Variants in FST observed in about 807,000 individuals in gnomAD.
FST encodes the protein activin-binding protein.
Under a neutral mutation model 38.4 loss-of-function variants are expected in FST, and 6 were observed. The ratio of observed to expected loss-of-function variants is 0.16; its 90% CI spans 0.09 to 0.31. The LOEUF (loss-of-function observed/expected upper bound fraction) is 0.31, where lower values mean the gene tolerates loss of function less well. Ranked by LOEUF, FST falls within the 10% of genes least tolerant of loss-of-function variation. The pLI, the probability that FST is intolerant of heterozygous loss-of-function variation, is 1.00. For synonymous variants in FST, 157 were observed against 169.8 expected, an observed-to-expected ratio of 0.92 and a Z score of 0.59; for missense variants, 301 against 432.3, an observed-to-expected ratio of 0.70 and a Z score of 2.69.
In FST at chr5:53,483,181, T is replaced by TC. The variant is rs1457791315; in HGVS notation, c.277+114dup. 3 of 748,964 alleles carry TC rather than the reference T, an allele frequency of 4.0e-6. No individual in the cohort carries two copies. The African/African-American group carries it at 5.2e-5, about 13-fold the overall frequency. 46.4% of individuals were successfully genotyped at this position (748,964 alleles called of 1,614,324 possible). ...AGTAGGAGAGCTTTGTTCCTGGGCT[T>TC]CCCCTTCCTGTCCCTTGCCCTGGTA... On this transcript the variant is annotated intron_variant, in intron 2 of 5. Transcript: ENST00000256759. This position sits in a 1 kb window ranked among gnomAD's most constrained non-coding sequence, Gnocchi z 4.1.
Position 53,483,977 on chromosome 5 carries a change from C to T in FST, c.497-92C>T. On this transcript the variant is annotated intron_variant, in intron 3 of 5. Transcript: ENST00000256759. The surrounding 1 kb of genome is among the most constrained non-coding windows in gnomAD (Gnocchi z 4.1). ...CTAAGTGCCTTTTGAAAGCTGGATG[C>T]TTCAGTGTCATGATTTCCTTGGTAA... 1 of 1,092,270 alleles carries T rather than the reference C, an allele frequency of 9.2e-7. No individual in the cohort carries two copies. The highest frequency in any genetic ancestry group is 1.4e-6 in the Non-Finnish European group (1 of 732,100). 67.7% of individuals were successfully genotyped at this position (1,092,270 alleles called of 1,614,324 possible).
At chr5:53,481,462 C>CAAAAAAAAAAA (rs70983342) in intron 1 of FST, among the ~76,000 whole-genome samples, 497 of 48,040 alleles carry the variant, frequency 0.01, 69 homozygotes, top group Middle Eastern at 0.038. Flanking sequence ...CCCATTCTCG[C>CAAAAAAAAAAA]AAAAAAAAAA....
chr5:53,481,302 A>T (rs7709554), intron 1 of FST, among the ~76,000 whole-genome samples: 4 of 150,866 alleles, frequency 2.7e-5, no homozygotes, highest in African/African-American at 9.7e-5. Context: ...AGAAAAGAAA[A>T]CCTGGGGGTT....
chr5:53,480,961 G>T, intron 1 of FST, 85 bp downstream of exon 1: 1 of 587,692 alleles, frequency 1.7e-6, no homozygotes. Context: ...TCTGTTCTGA[G>T]CAACGCTGCT....
In FST at chr5:53,483,032, A is replaced by C. The variant is rs1318021275; in HGVS notation, c.238A>C (p.Ile80Leu). The C allele has an allele frequency of 6.2e-7, 1 of 1,613,954 alleles. No individual in the cohort carries two copies. The highest frequency in any genetic ancestry group is 8.5e-7 in the Non-Finnish European group (1 of 1,179,884). The change falls in exon 2 of 6, where the codon ATT (isoleucine) becomes CTT (leucine). Residue 80 changes from isoleucine (I) to leucine (L), a missense_variant. Coordinates refer to ENST00000256759, the MANE Select transcript of FST (RefSeq NM_013409.3). The surrounding 1 kb of genome is among the most constrained non-coding windows in gnomAD (Gnocchi z 4.1). ...VNDNTLFKWM[I>L]FNGGAPNCIP... ...TGACAACACACTCTTCAAGTGGATG[A>C]TTTTCAACGGGGGCGCCCCCAACTG...
At chr5:53,485,717 T>A in intron 5 of FST, 1 of 1,611,930 alleles carries the variant, frequency 6.2e-7, no homozygotes, top group Non-Finnish European at 8.5e-7. Context: ...AGCCATTGAT[T>A]CTTCAGAACT....
Position 53,480,710 on chromosome 5 carries a change from A to ACGCGCGCCGCTCGCCCGAGC in FST, c.-80_-61dup, listed in dbSNP as rs1747141917. 2 of 286,258 alleles carry ACGCGCGCCGCTCGCCCGAGC rather than the reference A, an allele frequency of 7.0e-6. No individual in the cohort carries two copies. The highest frequency in any genetic ancestry group is 1.1e-5 in the Non-Finnish European group (2 of 187,258). 17.7% of individuals were successfully genotyped at this position (286,258 alleles called of 1,614,324 possible). ...GCGCCCTCCGCCGCTGGCCTCTGCG[A>ACGCGCGCCGCTCGCCCGAGC]CGCGCGCCGCTCGCCCGAGCCACCC... is the stretch of plus-strand genomic sequence containing the variant. On this transcript the variant is annotated 5_prime_UTR_variant, in exon 1 of 6. Coordinates refer to ENST00000256759, the MANE Select transcript of FST (RefSeq NM_013409.3).
chr5:53,482,034 G>A (rs55744247), intron 1 of FST, among the ~76,000 whole-genome samples: 21,822 of 152,278 alleles, frequency 0.14, 2,002 homozygotes, highest in Non-Finnish European at 0.21. Flanking sequence ...ACGTGGGCGC[G>A]GAGGAAAGCA....
At chr5:53,485,562 T>TTC in intron 5 of FST, 1 of 655,892 alleles carries the variant, frequency 1.5e-6, no homozygotes, top group Non-Finnish European at 2.7e-6. Flanking sequence ...TTTTTTTTTT[T>TTC]CCAACGACAG....
rs867149376 is a variant in FST at position 53,480,730 on chromosome 5, C to A, written c.-62C>A. 4 of 522,974 alleles carry A rather than the reference C, an allele frequency of 7.6e-6. No individual in the cohort carries two copies. The highest frequency in any genetic ancestry group is 7.8e-6 in the Non-Finnish European group (3 of 386,428). The allele number at this position is 522,974 out of a possible 1,614,324, so 32.4% of individuals were successfully genotyped here. On this transcript the variant is annotated 5_prime_UTR_variant, in exon 1 of 6. Transcript: ENST00000256759. ...CTGCGACGCGCGCCGCTCGCCCGAGCCACCCGCCGCCGCGCCGGCTCCCCG... is the reference window on the plus strand; with the variant it reads ...CTGCGACGCGCGCCGCTCGCCCGAGACACCCGCCGCCGCGCCGGCTCCCCG...
chr5:53,484,433 G>A lies in FST; in HGVS notation c.721+140G>A, dbSNP rs186604851. 130 of 805,050 alleles carry A rather than the reference G, an allele frequency of 1.6e-4. No homozygotes were observed. The African/African-American group carries it at 2.1e-3, about 13-fold the overall frequency. The allele number at this position is 805,050 out of a possible 1,614,324, so 49.9% of individuals were successfully genotyped here. A position where few individuals can be genotyped will look rare whatever the true frequency, so the allele number is the denominator to read the frequency against. On this transcript the variant is annotated intron_variant, in intron 4 of 5. Coordinates refer to ENST00000256759, the MANE Select transcript of FST (RefSeq NM_013409.3). ...TACGCTGCAATTTGGGGAAAGTGTT[G>A]TGACCACAGTATTCCTCATGGAAAC...
Position 53,484,183 on chromosome 5 carries a change from A to G in FST, c.611A>G (p.Gln204Arg), listed in dbSNP as rs751494228. The G allele has an allele frequency of 5.5e-5, 88 of 1,613,292 alleles. No individual in the cohort carries two copies. Among genetic ancestry groups the G allele is most frequent in the Non-Finnish European group, 7.2e-5 (85 of 1,179,336 alleles). ...RICPEPASSE[Q>R]YLCGNDGVTY... ...TGCCCAGAGCCTGCTTCCTCTGAGC[A>G]ATATCTCTGTGGGAATGATGGAGTC... is the stretch of plus-strand genomic sequence containing the variant. The change falls in exon 4 of 6, where the codon CAA becomes CGA. Residue 204 changes from glutamine to arginine, a missense_variant. Gln to Arg is a conservative substitution (Grantham distance 43). Coordinates refer to ENST00000256759, the MANE Select transcript of FST (RefSeq NM_013409.3).
At chr5:53,485,305 G>A (rs1000150126) in intron 5 of FST, 78 bp downstream of exon 5, 28 of 764,580 alleles carry the variant, frequency 3.7e-5, no homozygotes, top group South Asian at 2.6e-4. Flanking sequence ...TACAAAGCAC[G>A]CAGATCTCCC....
In FST at chr5:53,483,391, C is replaced by G. The variant is rs1747358275; in HGVS notation, c.278-113C>G. ...AATATTCCAGGAGAGAGCCTGGGGC[C>G]CCTCCAGCGCAAACTCAGGGCTGCA... On this transcript the variant is annotated intron_variant, in intron 2 of 5. Coordinates refer to ENST00000256759, the MANE Select transcript of FST (RefSeq NM_013409.3). The surrounding 1 kb of genome is among the most constrained non-coding windows in gnomAD (Gnocchi z 4.1). The G allele has an allele frequency of 2.6e-6, 2 of 783,836 alleles. No homozygotes were observed. Among genetic ancestry groups the G allele is most frequent in the Admixed American group, 2.3e-5 (1 of 43,260 alleles). 48.6% of individuals were successfully genotyped at this position (783,836 alleles called of 1,614,324 possible). A position where few individuals can be genotyped will look rare whatever the true frequency, so the allele number is the denominator to read the frequency against.
chr5:53,485,158 T>C lies in FST; in HGVS notation c.883T>C (p.Cys295Arg), dbSNP rs1158301723. ...TGACAATGCCACTTATGCCAGCGAGTGTGCCATGAAGGAAGCTGCCTGCTC... is the reference window on the plus strand; with the variant it reads ...TGACAATGCCACTTATGCCAGCGAGCGTGCCATGAAGGAAGCTGCCTGCTC... ...ASDNATYASE[C>R]AMKEAACSSG... is the part of the protein sequence containing the mutation. Residue 295 changes from cysteine to arginine, a missense_variant, in exon 5 of 6, where the codon TGT becomes CGT. Cys to Arg is a radical substitution (Grantham distance 180). Coordinates refer to ENST00000256759, the MANE Select transcript of FST (RefSeq NM_013409.3). 6.2e-7 allele frequency: 1 copy of C among 1,613,500 alleles called. No homozygotes were observed. The highest frequency in any genetic ancestry group is 1.3e-5 in the African/African-American group (1 of 74,854).
intron 3 of FST, 63 bp from the exon 4 acceptor site, chr5:53,484,006 C>G: frequency 7.2e-7 from 1 of 1,382,048 alleles, no homozygotes; most frequent in Non-Finnish European, 1.0e-6. Flanking sequence ...TTGGTAACTT[C>G]AAGTGCTCAC....
chr5:53,485,829 C>G, intron 5 of FST, 122 bp from the exon 6 acceptor site: 1 of 1,595,934 alleles, frequency 6.3e-7, no homozygotes, highest in South Asian at 1.2e-5. Context: ...CACTGCAAGT[C>G]ACATAAAAAT....
Position 53,484,985 on chromosome 5 carries a change from A to G in FST, c.722-12A>G, listed in dbSNP as rs1165667916. On this transcript the variant is annotated splice_polypyrimidine_tract_variant and intron_variant, in intron 4 of 5. Coordinates refer to ENST00000256759, the MANE Select transcript of FST (RefSeq NM_013409.3). Reference sequence around the variant, plus strand: ...AAATCAGTTTACTCATCACAGATGTATTATATCCTAGAAGCAAAGTCCTGT... The same window carrying G: ...AAATCAGTTTACTCATCACAGATGTGTTATATCCTAGAAGCAAAGTCCTGT... The G allele has an allele frequency of 1.5e-6, 2 of 1,352,150 alleles. No individual in the cohort carries two copies. The highest frequency in any genetic ancestry group is 1.7e-5 in the Admixed American group (1 of 59,688). The allele number at this position is 1,352,150 out of a possible 1,614,324, so 83.8% of individuals were successfully genotyped here. A position where few individuals can be genotyped will look rare whatever the true frequency, so the allele number is the denominator to read the frequency against.
In FST at chr5:53,480,895, G is replaced by A; in HGVS notation, c.85+19G>A. ...GCCCAGGGTAAGCGAGTGGGGATGC[G>A]CTGGGGAGGCTTGGCTGAGGACAGG... On this transcript the variant is annotated intron_variant, in intron 1 of 5. Transcript: ENST00000256759. 1.4e-6 allele frequency: 2 copies of A among 1,418,148 alleles called. No homozygotes were observed. Among genetic ancestry groups the A allele is most frequent in the Non-Finnish European group, 9.6e-7 (1 of 1,036,892 alleles). 87.8% of individuals were successfully genotyped at this position (1,418,148 alleles called of 1,614,324 possible). A position where few individuals can be genotyped will look rare whatever the true frequency, so the allele number is the denominator to read the frequency against.
Sources: allele counts gnomAD v4.1 joint callset (sites outside exome capture counted in the v4.1 genomes callset), GRCh38; gene constraint gnomAD v4.1.1; non-coding constraint Gnocchi (gnomAD v3.1); transcripts MANE v1.5; gene names NCBI Gene and HGNC (gene_info 2026-07-23, HGNC 2026-07-21).